Variants in CCDC149 observed in about 807,000 individuals in gnomAD.
CCDC149 encodes the protein coiled-coil domain-containing protein 149.
Under a neutral mutation model 59.9 loss-of-function variants are expected in CCDC149, and 45 were observed. That is an observed-to-expected ratio of 0.75 (90% CI 0.59 to 0.96). The LOEUF (loss-of-function observed/expected upper bound fraction) is 0.96. CCDC149 is among the 40% of genes least tolerant of loss of function. CCDC149 has a pLI of 0.00. For synonymous variants in CCDC149, 245 were observed against 260.6 expected (o/e 0.94, Z 0.58); for missense variants, 584 against 664.7 (o/e 0.88, Z 1.33).
At chr4:24,895,314 A>G (rs1720785201) in intron 1 of CCDC149, among the ~76,000 whole-genome samples, 1 of 152,204 alleles carries the variant, frequency 6.6e-6, no homozygotes, top group African/African-American at 2.4e-5. Flanking sequence ...ACTGAGCTGT[A>G]CACTTAAAAT....
intron 1 of CCDC149, among the ~76,000 whole-genome samples, chr4:24,960,227 A>G (rs1723599973): frequency 6.6e-6 from 1 of 152,180 alleles, no homozygotes; most frequent in African/African-American, 2.4e-5. Flanking sequence ...CTATAACTCT[A>G]ATATAACTCC....
intron 1 of CCDC149, among the ~76,000 whole-genome samples, chr4:24,948,451 C>G (rs1430185792): frequency 1.3e-5 from 2 of 152,168 alleles, no homozygotes; most frequent in Non-Finnish European, 2.9e-5. Flanking sequence ...CTCTGCAGAC[C>G]CATGCTCCAG....
intron 1 of CCDC149, among the ~76,000 whole-genome samples, chr4:24,975,466 G>A (rs892186607): frequency 7.5e-6 from 1 of 132,536 alleles, no homozygotes; most frequent in Non-Finnish European, 1.6e-5. Flanking sequence ...GGGAGGGGAG[G>A]GGAAGAGAAG....
chr4:24,929,177 T>C (rs746963648), intron 1 of CCDC149, among the ~76,000 whole-genome samples: 2 of 152,164 alleles, frequency 1.3e-5, no homozygotes, highest in Non-Finnish European at 2.9e-5. Context: ...GGTTTATGAC[T>C]TCTGTGTTTC....
chr4:24,876,292 TACACACACACACACAC>T (rs61406129), intron 2 of CCDC149, among the ~76,000 whole-genome samples: 181 of 124,798 alleles, frequency 1.5e-3, no homozygotes, highest in Middle Eastern at 4.2e-3. Flanking sequence ...CATACACACG[TACACACACACACACAC>T]ACACACACAC....
intron 1 of CCDC149, among the ~76,000 whole-genome samples, chr4:24,945,874 G>A (rs935502409): frequency 6.6e-6 from 1 of 151,890 alleles, no homozygotes; most frequent in Non-Finnish European, 1.5e-5. Flanking sequence ...CACCCACCTG[G>A]GCCTCCAAAA....
At chr4:24,833,484 C>T (rs1234926065) in intron 8 of CCDC149, among the ~76,000 whole-genome samples, 3 of 152,078 alleles carry the variant, frequency 2.0e-5, no homozygotes, top group Admixed American at 6.6e-5. Context: ...ATTAGCTGGG[C>T]ATGGTAGCAC....
chr4:24,946,408 G>T (rs1723110853), intron 1 of CCDC149, among the ~76,000 whole-genome samples: 1 of 152,066 alleles, frequency 6.6e-6, no homozygotes. Flanking sequence ...TACTTAGCTG[G>T]GTTAAAGAGG....
intron 8 of CCDC149, among the ~76,000 whole-genome samples, chr4:24,833,607 G>C (rs1716308501): frequency 6.6e-6 from 1 of 151,808 alleles, no homozygotes; most frequent in Admixed American, 6.6e-5. Flanking sequence ...CTGGGCAACA[G>C]AGTGAGACTG....
At chr4:24,903,455 G>T (rs926200901) in intron 1 of CCDC149, among the ~76,000 whole-genome samples, 1 of 152,154 alleles carries the variant, frequency 6.6e-6, no homozygotes, top group African/African-American at 2.4e-5. Flanking sequence ...GAAATTTGGG[G>T]GACACAGCTA....
At chr4:24,929,867 C>T (rs907467281) in intron 1 of CCDC149, among the ~76,000 whole-genome samples, 4 of 152,066 alleles carry the variant, frequency 2.6e-5, no homozygotes, top group East Asian at 1.9e-4. Flanking sequence ...AACTTTAGAC[C>T]GTCTCTCTGA....
intron 1 of CCDC149, among the ~76,000 whole-genome samples, chr4:24,948,794 G>A (rs577108762): frequency 8.5e-5 from 13 of 152,240 alleles, no homozygotes; most frequent in African/African-American, 2.4e-4. Flanking sequence ...GGAGGGACCT[G>A]GTGGGAGGTA....
chr4:24,871,042 C>CAA lies in CCDC149; in HGVS notation c.264+2637_264+2638dup, dbSNP rs35580363. ...CCTGAGGGACAGAGTGAGACTCCCT[C>CAA]AAAAAAAAAAAAAAAAAAGATAAAT... On this transcript the variant is annotated intron_variant, in intron 3 of 12. Transcript: ENST00000635206. Among the ~76,000 whole-genome samples, 446 of 77,950 alleles carry CAA rather than the reference C, an allele frequency of 5.7e-3. 8 individuals carry two copies. Among genetic ancestry groups the CAA allele is most frequent in the African/African-American group, 0.017 (387 of 22,278 alleles). The allele number at this position is 77,950 out of a possible 152,430, so 51.1% of individuals were successfully genotyped here. A position where few individuals can be genotyped will look rare whatever the true frequency, so the allele number is the denominator to read the frequency against.
rs1027894529 is a variant in CCDC149, at chr4:24,807,615, A to G, written c.*774T>C. On this transcript the variant is annotated 3_prime_UTR_variant, in exon 13 of 13. Transcript: ENST00000635206. Reference sequence around the variant, plus strand: ...GTGGTAGCTCTCATCTCATCTCACAAAAAAAACCAGACCACCACTGGGAGT... The same window carrying G: ...GTGGTAGCTCTCATCTCATCTCACAGAAAAAACCAGACCACCACTGGGAGT... The G allele has an allele frequency of 1.3e-5, 2 of 152,170 alleles. No homozygotes were observed. Among genetic ancestry groups the G allele is most frequent in the Admixed American group, 6.5e-5 (1 of 15,274 alleles). 9.4% of individuals were successfully genotyped at this position (152,170 alleles called of 1,614,324 possible). A position where few individuals can be genotyped will look rare whatever the true frequency, so the allele number is the denominator to read the frequency against.
chr4:24,836,253 G>A (rs1330384090), intron 7 of CCDC149, among the ~76,000 whole-genome samples, 183 bp downstream of exon 7: 1 of 152,160 alleles, frequency 6.6e-6, no homozygotes, highest in East Asian at 1.9e-4. Context: ...AAGCTGCTTT[G>A]GTTTTGTTTG....
chr4:24,877,858 C>T (rs544940168), intron 1 of CCDC149, among the ~76,000 whole-genome samples: 15 of 152,246 alleles, frequency 9.9e-5, no homozygotes, highest in East Asian at 5.8e-4. Context: ...AGCATGGGCC[C>T]GAACAGGACT....
At chr4:24,968,149 G>A (rs528018433) in intron 1 of CCDC149, among the ~76,000 whole-genome samples, 6 of 152,372 alleles carry the variant, frequency 3.9e-5, no homozygotes, top group African/African-American at 1.2e-4. Context: ...TCCCATTTGA[G>A]CTGGATGTGC....
Position 24,880,522 on chromosome 4 carries a change from C to T in CCDC149, c.64-3825G>A, listed in dbSNP as rs538223521. 2.6e-5 allele frequency among the ~76,000 whole-genome samples: 4 copies of T among 152,204 alleles called. No individual in the cohort carries two copies. In the South Asian group the frequency reaches 8.3e-4, roughly 32 times the overall value. ...TGAGGTGAAATTTCTTGGCCTCATT[C>T]TAAAAAAGTAAAAGTGTATTCCCTG... On this transcript the variant is annotated intron_variant, in intron 1 of 12. Coordinates refer to ENST00000635206, the MANE Select transcript of CCDC149 (RefSeq NM_001330643.2).
intron 1 of CCDC149, among the ~76,000 whole-genome samples, chr4:24,909,251 G>A (rs1305406454): frequency 6.6e-6 from 1 of 152,180 alleles, no homozygotes; most frequent in Non-Finnish European, 1.5e-5. Flanking sequence ...GATCCAGGGT[G>A]GGAGACAGCA....
Sources: gnomAD v4.1 joint callset for allele counts (sites outside exome capture counted in the v4.1 genomes callset) on GRCh38, gnomAD v4.1.1 for gene constraint, MANE v1.5 for transcripts, NCBI Gene and HGNC (gene_info 2026-07-23, HGNC 2026-07-21) for gene names.